NEK6: variants seen among roughly 807,000 people sequenced by gnomAD.
NEK6 encodes the protein serine/threonine-protein kinase Nek6.
A neutral mutation model predicts 43.5 loss-of-function variants in NEK6; 27 were observed. The ratio of observed to expected loss-of-function variants is 0.62; its 90% CI spans 0.46 to 0.86. The LOEUF is 0.86. NEK6 is among the 40% of genes least tolerant of loss of function. NEK6 has a pLI of 0.00. For missense variants in NEK6, 318 were observed against 414.4 expected (o/e 0.77, Z 2.02); for synonymous variants, 167 against 164.1 (o/e 1.02, Z -0.14).
chr9:124,346,379 C>A (rs576277706), intron 8 of NEK6, among the ~76,000 whole-genome samples: 1 of 152,294 alleles, frequency 6.6e-6, no homozygotes, highest in South Asian at 2.1e-4. Flanking sequence ...CCCTCAAACC[C>A]TGCTACCAAG....
intron 4 of NEK6, 112 bp downstream of exon 4, chr9:124,314,097 T>C (rs1310197382): frequency 2.2e-5 from 21 of 943,938 alleles, no homozygotes; most frequent in Middle Eastern, 6.2e-4. Flanking sequence ...CCGCAGCCCC[T>C]GCTAAGTTAA....
At chr9:124,292,086 A>C in intron 1 of NEK6, 1 of 1,046,900 alleles carries the variant, frequency 9.6e-7, no homozygotes, top group South Asian at 3.3e-5. Context: ...GCCACTTCAA[A>C]AGGTACCCTG....
chr9:124,326,834 C>T lies in NEK6; in HGVS notation c.514+396C>T, dbSNP rs1193598745. Among the ~76,000 whole-genome samples, 1 of 152,146 alleles carries T rather than the reference C, an allele frequency of 6.6e-6. No individual in the cohort carries two copies. The highest frequency in any genetic ancestry group is 1.5e-5 in the Non-Finnish European group (1 of 68,020). The stretch of plus-strand genomic sequence containing the variant: ...ATGATTCCGAGTTGTGAGAAAGGAG[C>T]CTGCTGGGTGCCCGGCAGGGCACGA... On this transcript the variant is annotated intron_variant, in intron 6 of 9. Transcript: ENST00000320246. The surrounding 1 kb of genome is among the most constrained non-coding windows in gnomAD (Gnocchi z 4.5).
rs1831607838 is a variant in NEK6, at chr9:124,275,277, C to G, written c.-30+17192C>G. Reference sequence around the variant, plus strand: ...GGTGCCCACTTATTTAAACCAGGGCCATTTCATCCACGTCACTAACTTGCC... The same window carrying G: ...GGTGCCCACTTATTTAAACCAGGGCGATTTCATCCACGTCACTAACTTGCC... On this transcript the variant is annotated intron_variant, in intron 1 of 9. Transcript: ENST00000320246. The surrounding 1 kb of genome is among the most constrained non-coding windows in gnomAD (Gnocchi z 4.4). Among the ~76,000 whole-genome samples, 1 of 152,202 alleles carries G rather than the reference C, an allele frequency of 6.6e-6. No individual in the cohort carries two copies.
intron 1 of NEK6, among the ~76,000 whole-genome samples, chr9:124,281,487 C>CTTTTTTTTTTTTTT (rs759381068): frequency 4.9e-5 from 5 of 102,968 alleles, no homozygotes; most frequent in East Asian, 3.2e-4. Context: ...GCTGTTTTTT[C>CTTTTTTTTTTTTTT]TTTTTTTTTT....
chr9:124,274,786 G>A (rs941766437), intron 1 of NEK6, among the ~76,000 whole-genome samples: 5 of 152,180 alleles, frequency 3.3e-5, no homozygotes, highest in Admixed American at 6.5e-5. Flanking sequence ...GGAGCTGACC[G>A]GTCTGACGCA....
chr9:124,281,469 C>A (rs1831901476), intron 1 of NEK6, among the ~76,000 whole-genome samples: 1 of 149,874 alleles, frequency 6.7e-6, no homozygotes, highest in African/African-American at 2.5e-5. Context: ...TAGCTACTTT[C>A]CATGTCAGCT....
chr9:124,279,325 G>A (rs551852524), intron 1 of NEK6, among the ~76,000 whole-genome samples: 9 of 141,160 alleles, frequency 6.4e-5, no homozygotes, highest in African/African-American at 5.4e-5. Flanking sequence ...TTTTTGAGAC[G>A]GAGTCTCACT....
At chr9:124,341,831 CT>C (rs1371190577) in intron 8 of NEK6, among the ~76,000 whole-genome samples, 3 of 152,196 alleles carry the variant, frequency 2.0e-5, no homozygotes. Context: ...AGTCCAAACT[CT>C]TCTGAGACAG....
intron 1 of NEK6, chr9:124,292,772 G>T: frequency 7.7e-7 from 1 of 1,298,884 alleles, no homozygotes; most frequent in South Asian, 1.6e-5. Flanking sequence ...CAGTTACCCA[G>T]CCTCTCCTCT....
chr9:124,344,833 C>T (rs921597557), intron 8 of NEK6, among the ~76,000 whole-genome samples: 3 of 152,208 alleles, frequency 2.0e-5, no homozygotes, highest in Admixed American at 1.3e-4. Context: ...GGAAGATCTG[C>T]GGAGCCTTGG....
intron 1 of NEK6, chr9:124,291,769 CG>C: frequency 2.1e-6 from 2 of 968,602 alleles, no homozygotes; most frequent in Non-Finnish European, 2.5e-6. Context: ...CTGGTCTAAT[CG>C]GGTGGTGCTG....
chr9:124,298,262 C>A (rs1382306701), intron 1 of NEK6, among the ~76,000 whole-genome samples: 1 of 152,066 alleles, frequency 6.6e-6, no homozygotes, highest in African/African-American at 2.4e-5. Flanking sequence ...GGGACCCTCT[C>A]TGGCTCTCGG....
intron 2 of NEK6, among the ~76,000 whole-genome samples, chr9:124,305,197 A>G (rs1304446527): frequency 6.6e-6 from 1 of 152,230 alleles, no homozygotes; most frequent in Non-Finnish European, 1.5e-5. Flanking sequence ...CTTTATCAGA[A>G]TCTTCCCAAA....
At chr9:124,300,084 G>A (rs949862783) in intron 1 of NEK6, 1 of 152,280 alleles carries the variant, frequency 6.6e-6, no homozygotes, top group African/African-American at 2.4e-5. Context: ...GAAGGGTGCT[G>A]GGAGCCAGCC....
At chr9:124,257,771 T>G (rs1830863050), upstream of NEK6, 1 of 1,482,684 alleles carries the variant, frequency 6.7e-7, no homozygotes, top group Non-Finnish European at 9.0e-7. Context: ...AAGGGGTTCC[T>G]CGGCCGAGCG....
intron 5 of NEK6, 147 bp downstream of exon 5, chr9:124,321,716 A>T (rs1834075182): frequency 1.6e-6 from 1 of 607,438 alleles, no homozygotes. Context: ...GCAGATGCCC[A>T]CAGGCCTCAG....
intron 1 of NEK6, among the ~76,000 whole-genome samples, chr9:124,295,466 T>C (rs1332357293): frequency 2.0e-5 from 3 of 152,180 alleles, no homozygotes. Flanking sequence ...GAGCCACAGC[T>C]CTGGGCCAGT....
At chr9:124,290,132 C>T (rs1212938232) in intron 1 of NEK6, among the ~76,000 whole-genome samples, 2 of 152,230 alleles carry the variant, frequency 1.3e-5, no homozygotes, top group African/African-American at 4.8e-5. Flanking sequence ...AAGAAGACGC[C>T]GCCACCTGGA....
Sources: gnomAD v4.1 joint callset for allele counts (sites outside exome capture counted in the v4.1 genomes callset) on GRCh38, gnomAD v4.1.1 for gene constraint, Gnocchi (gnomAD v3.1) non-coding constraint, MANE v1.5 for transcripts, NCBI Gene and HGNC (gene_info 2026-07-23, HGNC 2026-07-21) for gene names.